Variants in HUWE1 observed in about 807,000 individuals in gnomAD.
HUWE1 encodes the protein HECT, UBA and WWE domain containing E3 ubiquitin protein ligase 1.
HUWE1 carries 18 observed loss-of-function variants against 299.4 expected under a neutral mutation model. That is an observed-to-expected ratio of 0.06 (90% CI 0.04 to 0.09). HUWE1 has a LOEUF of 0.09. Among genes scored for constraint, HUWE1 ranks in the 10% least tolerant of loss-of-function variants. The probability of loss-of-function intolerance (pLI) is 1.00; values close to 1 mark genes in which losing one functional copy is unlikely to be tolerated. For missense variants in HUWE1, 1,832 were observed against 3,462.3 expected, an observed-to-expected ratio of 0.53 and a Z score of 11.82; for synonymous variants, 1,317 against 1,286.1, an observed-to-expected ratio of 1.02 and a Z score of -0.51.
intron 3 of HUWE1, among the ~76,000 whole-genome samples, chrX:53,672,589 G>C (rs1256076402): frequency 9.0e-6 from 1 of 111,159 alleles, no homozygotes; most frequent in Non-Finnish European, 1.9e-5. Context: ...ACATGCAGCT[G>C]AAAGATTTAA....
chrX:53,617,557 C>T (rs1241777220), intron 19 of HUWE1, 111 bp from the exon 20 acceptor site: 2 of 521,949 alleles, frequency 3.8e-6, no homozygotes, highest in Admixed American at 2.9e-5. Flanking sequence ...CAATTTAAAC[C>T]CTTGTGCTTA....
intron 66 of HUWE1, 37 bp downstream of exon 66, chrX:53,550,629 A>C (rs1556927734): frequency 8.9e-7 from 1 of 1,126,205 alleles, no homozygotes; most frequent in Non-Finnish European, 1.2e-6. Flanking sequence ...AATAGACTTG[A>C]GTGGTGATAT....
intron 49 of HUWE1, among the ~76,000 whole-genome samples, chrX:53,567,904 A>G (rs2062645413): frequency 8.9e-6 from 1 of 111,742 alleles, no homozygotes; most frequent in African/African-American, 3.3e-5. Flanking sequence ...AACTGCTTCA[A>G]TAAGCCTCTA....
intron 55 of HUWE1, 120 bp downstream of exon 55, chrX:53,561,636 A>G: frequency 2.0e-6 from 2 of 1,017,572 alleles, no homozygotes; most frequent in Admixed American, 5.0e-5. Context: ...TGCCCCAGGA[A>G]GTCAGCATAG....
chrX:53,637,619 C>A (rs1212692046), intron 7 of HUWE1, among the ~76,000 whole-genome samples: 2 of 112,516 alleles, frequency 1.8e-5, no homozygotes, highest in Non-Finnish European at 3.7e-5. Flanking sequence ...AAAAAACAAG[C>A]ACCTTTAATT....
chrX:53,630,146 G>A (rs1247200073), intron 12 of HUWE1, among the ~76,000 whole-genome samples: 1 of 111,711 alleles, frequency 9.0e-6, no homozygotes, highest in Non-Finnish European at 1.9e-5. Context: ...ATGGGATTTA[G>A]GCATATTCAT....
At chrX:53,593,721 T>A in intron 31 of HUWE1, 120 bp from the exon 32 acceptor site, 1 of 531,791 alleles carries the variant, frequency 1.9e-6, no homozygotes. Context: ...CTTAGAGCTA[T>A]TACGTCTAAT....
intron 82 of HUWE1, 71 bp from the exon 83 acceptor site, chrX:53,534,268 C>A (rs1346183325): frequency 1.0e-6 from 1 of 953,377 alleles, no homozygotes; most frequent in Non-Finnish European, 1.5e-6. Context: ...GGGATGGAAT[C>A]TAGGAAACAG....
At position 53,575,198 on chromosome X, in the gene HUWE1, A is replaced by G. The variant is rs782220991; in HGVS notation, c.6054T>C (p.Gly2018=). ...SINSQVFAAD[G]ASTETSASGT... is the part of the protein sequence containing the mutation. ...CAGATGCGGAAGTCTCAGTGGAGGC[A>G]CCATCTGCAGCAAAGACCTGACTCT... The change falls in exon 46 of 84, where the codon GGT becomes GGC. Residue 2018 remains glycine (G), a synonymous_variant. Coordinates refer to ENST00000262854, the MANE Select transcript of HUWE1 (RefSeq NM_031407.7). The G allele has an allele frequency of 2.5e-6, 3 of 1,204,538 alleles. No individual in the cohort carries two copies. The East Asian group carries it at 8.9e-5, about 36-fold the overall frequency.
chrX:53,671,346 C>T (rs2069518449), intron 3 of HUWE1, among the ~76,000 whole-genome samples: 1 of 111,961 alleles, frequency 8.9e-6, no homozygotes, highest in Non-Finnish European at 1.9e-5. Context: ...ACCTATGCTT[C>T]TTTCATTCGA....
chrX:53,629,911 T>C (rs1313797064), intron 12 of HUWE1, among the ~76,000 whole-genome samples: 6 of 112,589 alleles, frequency 5.3e-5, no homozygotes, highest in Non-Finnish European at 9.4e-5. Context: ...CATTACTACT[T>C]GATGTAACTC....
chrX:53,638,368 A>G (rs1432590855), intron 7 of HUWE1, among the ~76,000 whole-genome samples: 3 of 111,900 alleles, frequency 2.7e-5, no homozygotes. Flanking sequence ...AAAAAAATAC[A>G]TAAGTAACTT....
At position 53,589,671 on chromosome X, in the gene HUWE1, C is replaced by A. The variant is rs1556976901; in HGVS notation, c.4337G>T (p.Gly1446Val). 1 of 1,211,637 alleles carries A rather than the reference C, an allele frequency of 8.3e-7. No homozygotes were observed. Among genetic ancestry groups the A allele is most frequent in the Admixed American group, 2.2e-5 (1 of 46,040 alleles). ...CAGCTCATCAAGAAGGTGGAAGCAG[C>A]CTGGCAACATAGTATCTGTGAAAGT... The part of the protein sequence containing the change: ...LHTFTDTMLP[G>V]CFHLLDELPD... Residue 1446 changes from glycine to valine, a missense_variant, in exon 36 of 84, where the codon GGC (glycine) becomes GTC (valine). By Grantham distance (109) the Gly-to-Val change is moderately radical. Around this residue, in one of 15 missense-constraint regions of HUWE1, gnomAD observed 658 missense variants for 1,282.6 expected, o/e 0.51. Coordinates refer to ENST00000262854, the MANE Select transcript of HUWE1 (RefSeq NM_031407.7).
At position 53,628,419 on chromosome X, in the gene HUWE1, C is replaced by G; in HGVS notation, c.1242+74G>C. On this transcript the variant is annotated intron_variant, in intron 15 of 83. Transcript: ENST00000262854. ...TTATTTGCCCTCACTGTGAAACACC[C>G]CAAACTTGCATCTCTACACCCTTAG... 4 of 1,055,368 alleles carry G rather than the reference C, an allele frequency of 3.8e-6. No homozygotes were observed. In the South Asian group the frequency reaches 8.8e-5, roughly 23 times the overall value. 87.0% of individuals were successfully genotyped at this position (1,055,368 alleles called of 1,213,427 possible). A position where few individuals can be genotyped will look rare whatever the true frequency, so the allele number is the denominator to read the frequency against.
At chrX:53,613,727 G>A (rs1303414813) in intron 23 of HUWE1, among the ~76,000 whole-genome samples, 1 of 111,235 alleles carries the variant, frequency 9.0e-6, no homozygotes, top group African/African-American at 3.3e-5. Flanking sequence ...AATCTGGAAC[G>A]AACAGATAGT....
intron 49 of HUWE1, among the ~76,000 whole-genome samples, chrX:53,565,478 T>C (rs781944323): frequency 9.0e-6 from 1 of 111,263 alleles, no homozygotes; most frequent in South Asian, 3.9e-4. Flanking sequence ...GGAAAGCACA[T>C]GAGTAACAAA....
At position 53,550,897 on chromosome X, in the gene HUWE1, G is replaced by A; in HGVS notation, c.9385+4C>T. 2 of 1,211,528 alleles carry A rather than the reference G, an allele frequency of 1.7e-6. No individual in the cohort carries two copies. Among genetic ancestry groups the A allele is most frequent in the South Asian group, 1.8e-5 (1 of 56,965 alleles). On this transcript the variant is annotated splice_donor_region_variant and intron_variant, in intron 65 of 83. Coordinates refer to ENST00000262854, the MANE Select transcript of HUWE1 (RefSeq NM_031407.7). ...AGAGCCCTCCCACTTGCCTCCCTCT[G>A]TACCCGGGCTTCGGAGAATAGCAGA...
chrX:53,647,047 T>C (rs1295869070), intron 6 of HUWE1, among the ~76,000 whole-genome samples: 1 of 111,762 alleles, frequency 8.9e-6, no homozygotes, highest in Admixed American at 9.5e-5. Flanking sequence ...AATTTAAAAG[T>C]AATGTGGGGC....
chrX:53,634,767 CTT>C (rs2067098447), intron 7 of HUWE1, among the ~76,000 whole-genome samples: 1 of 112,288 alleles, frequency 8.9e-6, no homozygotes, highest in Non-Finnish European at 1.9e-5. Flanking sequence ...CAGTTCCTCT[CTT>C]TTTGACATGA....
Sources: gnomAD v4.1 joint callset for allele counts (sites outside exome capture counted in the v4.1 genomes callset) on GRCh38, gnomAD v4.1.1 for gene constraint, gnomAD v4.1.1 regional missense constraint, MANE v1.5 for transcripts, NCBI Gene and HGNC (gene_info 2026-07-23, HGNC 2026-07-21) for gene names.